Variants in PDE3A observed in about 807,000 individuals in gnomAD.
PDE3A encodes the protein cGMP-inhibited 3',5'-cyclic phosphodiesterase 3A.
Under a neutral mutation model 98.3 loss-of-function variants are expected in PDE3A, and 43 were observed. That is an observed-to-expected ratio of 0.44 (90% CI 0.34 to 0.56). PDE3A has a LOEUF of 0.56. Ranked by LOEUF, PDE3A falls within the 20% of genes least tolerant of loss-of-function variation. The pLI is 0.01. For missense variants in PDE3A, 1,427 were observed against 1,440.7 expected (o/e 0.99, Z 0.15); for synonymous variants, 663 against 567.9 (o/e 1.17, Z -2.38).
At position 20,684,810 on chromosome 12, in the gene PDE3A, C is replaced by T. The variant is rs1431077715; in HGVS notation, c.*4539C>T. Among the ~76,000 whole-genome samples, 3 of 152,146 alleles carry T rather than the reference C, an allele frequency of 2.0e-5. No individual in the cohort carries two copies. The highest frequency in any genetic ancestry group is 4.4e-5 in the Non-Finnish European group (3 of 68,026). Reference sequence around the variant, plus strand: ...TGTTCATCTGGAAGATATTCAAATTCTTATTGGGAATGAATTACACTACAA... The same window carrying T: ...TGTTCATCTGGAAGATATTCAAATTTTTATTGGGAATGAATTACACTACAA... On this transcript the variant is annotated 3_prime_UTR_variant, in exon 16 of 16. Coordinates refer to ENST00000359062, the MANE Select transcript of PDE3A (RefSeq NM_000921.5).
chr12:20,624,030 A>G (rs895096931), intron 5 of PDE3A, among the ~76,000 whole-genome samples: 3 of 152,150 alleles, frequency 2.0e-5, no homozygotes, highest in African/African-American at 7.2e-5. Context: ...GAGATGAAAT[A>G]TAAATTTAAG....
rs1946214611 is a variant in PDE3A at position 20,511,212 on chromosome 12, T to A, written c.961-45448T>A. Among the ~76,000 whole-genome samples, 8 of 152,058 alleles carry A rather than the reference T, an allele frequency of 5.3e-5. No individual in the cohort carries two copies. The South Asian group carries it at 1.7e-3, about 31-fold the overall frequency. On this transcript the variant is annotated intron_variant, in intron 1 of 15. Coordinates refer to ENST00000359062, the MANE Select transcript of PDE3A (RefSeq NM_000921.5). ...CAGGTGTTAAAATATACACATATAT[T>A]TCCTTGCTCCGCATACTGCAGTGTT...
At position 20,682,471 on chromosome 12, in the gene PDE3A, A is replaced by G. The variant is rs1182237724; in HGVS notation, c.*2200A>G. 1 of 152,196 alleles carries G rather than the reference A, an allele frequency of 6.6e-6. No homozygotes were observed. The highest frequency in any genetic ancestry group is 1.5e-5 in the Non-Finnish European group (1 of 68,022). The allele number at this position is 152,196 out of a possible 1,614,324, so 9.4% of individuals were successfully genotyped here. On this transcript the variant is annotated 3_prime_UTR_variant, in exon 16 of 16. Coordinates refer to ENST00000359062, the MANE Select transcript of PDE3A (RefSeq NM_000921.5). ...TAAGGCAAAGATAATACGACAAAAA[A>G]TATACATGGTTTCAAGGCAAATTCT...
At chr12:20,399,985 GTA>G (rs1375571372) in intron 1 of PDE3A, among the ~76,000 whole-genome samples, 1 of 152,174 alleles carries the variant, frequency 6.6e-6, no homozygotes, top group East Asian at 1.9e-4. Context: ...AAGTTATTTT[GTA>G]TAGTCTAAAA....
chr12:20,637,381 T>C, intron 9 of PDE3A, 144 bp downstream of exon 9: 1 of 530,050 alleles, frequency 1.9e-6, no homozygotes, highest in Non-Finnish European at 3.2e-6. Flanking sequence ...GTAGATTCCT[T>C]GCTGTGTGTT....
At chr12:20,427,126 G>T (rs757687095) in intron 1 of PDE3A, among the ~76,000 whole-genome samples, 1 of 152,184 alleles carries the variant, frequency 6.6e-6, no homozygotes, top group African/African-American at 2.4e-5. Context: ...TCCAATTTAG[G>T]TTCAGCAGGT....
At chr12:20,466,388 A>G (rs1195689431) in intron 1 of PDE3A, among the ~76,000 whole-genome samples, 4 of 152,234 alleles carry the variant, frequency 2.6e-5, no homozygotes, top group Non-Finnish European at 4.4e-5. Context: ...ATGCAAAGCA[A>G]CAATTCTCCT....
At chr12:20,441,860 A>G (rs1944876043) in intron 1 of PDE3A, among the ~76,000 whole-genome samples, 1 of 152,136 alleles carries the variant, frequency 6.6e-6, no homozygotes, top group East Asian at 1.9e-4. Flanking sequence ...GCATGTGCTT[A>G]TGATCCTCCG....
At chr12:20,603,349 T>A (rs78114572) in intron 2 of PDE3A, among the ~76,000 whole-genome samples, 8 of 152,194 alleles carry the variant, frequency 5.3e-5, no homozygotes, top group Non-Finnish European at 1.2e-4. Context: ...GCTTTTAGAA[T>A]TCTTTTCACA....
At chr12:20,411,226 C>T (rs1011042015) in intron 1 of PDE3A, among the ~76,000 whole-genome samples, 6 of 152,164 alleles carry the variant, frequency 3.9e-5, no homozygotes, top group Admixed American at 3.9e-4. Flanking sequence ...GTGCAACCAT[C>T]ATCAATATCC....
At chr12:20,428,278 T>G (rs189087430) in intron 1 of PDE3A, among the ~76,000 whole-genome samples, 663 of 152,160 alleles carry the variant, frequency 4.4e-3, no homozygotes, top group Non-Finnish European at 5.3e-3. Flanking sequence ...AATATTATTA[T>G]TAGTAGTAGT....
chr12:20,615,195 C>A (rs576554495), intron 3 of PDE3A, among the ~76,000 whole-genome samples: 1 of 151,832 alleles, frequency 6.6e-6, no homozygotes, highest in Non-Finnish European at 1.5e-5. Context: ...TGAGCCACTG[C>A]GCCTGGCCCA....
Position 20,369,382 on chromosome 12 carries a change from C to T in PDE3A, c.98C>T (p.Ala33Val). 1 of 1,550,202 alleles carries T rather than the reference C, an allele frequency of 6.5e-7. No individual in the cohort carries two copies. The highest frequency in any genetic ancestry group is 8.7e-7 in the Non-Finnish European group (1 of 1,147,498). ...GCGGGCCGGGACTGCCACCATCGTG[C>T]GGACCCCGCATCGCCGCGGGACTCG... ...PTAGRDCHHR[A>V]DPASPRDSGC... Residue 33 changes from alanine (A) to valine (V), a missense_variant, in exon 1 of 16, where the codon GCG becomes GTG. Physicochemically the swap from Ala to Val is moderately conservative, Grantham distance 64. Transcript: ENST00000359062.
At chr12:20,523,765 C>T (rs1946469856) in intron 1 of PDE3A, among the ~76,000 whole-genome samples, 1 of 152,130 alleles carries the variant, frequency 6.6e-6, no homozygotes, top group Non-Finnish European at 1.5e-5. Flanking sequence ...GAATGTATCA[C>T]TTAAAGTAAA....
intron 1 of PDE3A, among the ~76,000 whole-genome samples, chr12:20,483,320 C>T (rs570182876): frequency 2.0e-5 from 3 of 152,172 alleles, no homozygotes; most frequent in East Asian, 1.9e-4. Flanking sequence ...ACCCCGGAGG[C>T]GGAGGTTGCA....
intron 1 of PDE3A, among the ~76,000 whole-genome samples, chr12:20,436,346 A>C (rs1944779018): frequency 6.6e-6 from 1 of 152,024 alleles, no homozygotes; most frequent in Admixed American, 6.6e-5. Flanking sequence ...AAAACAAAAC[A>C]AAAAAAACTA....
At chr12:20,527,180 G>T (rs761383023) in intron 1 of PDE3A, among the ~76,000 whole-genome samples, 5 of 151,980 alleles carry the variant, frequency 3.3e-5, no homozygotes, top group Non-Finnish European at 5.9e-5. Flanking sequence ...CGGATTACAG[G>T]GGTGAGCCAC....
intron 1 of PDE3A, among the ~76,000 whole-genome samples, chr12:20,512,112 C>G (rs911262364): frequency 6.6e-6 from 1 of 151,756 alleles, no homozygotes; most frequent in African/African-American, 2.4e-5. Flanking sequence ...AGATAGGACC[C>G]TGGAACAAAT....
At chr12:20,446,223 A>G (rs537001891) in intron 1 of PDE3A, among the ~76,000 whole-genome samples, 55 of 152,282 alleles carry the variant, frequency 3.6e-4, no homozygotes, top group African/African-American at 1.3e-3. Context: ...TTCCAAATGT[A>G]TAAGCTTAAG....
Sources: allele counts gnomAD v4.1 joint callset (sites outside exome capture counted in the v4.1 genomes callset), GRCh38; gene constraint gnomAD v4.1.1; transcripts MANE v1.5; gene names NCBI Gene and HGNC (gene_info 2026-07-23, HGNC 2026-07-21).